UFD1: variants seen among roughly 807,000 people sequenced by gnomAD.
The protein encoded by UFD1 is ubiquitin recognition factor in ER associated degradation 1.
A neutral mutation model predicts 45.9 loss-of-function variants in UFD1; 13 were observed. The ratio of observed to expected loss-of-function variants is 0.28; its 90% CI spans 0.18 to 0.45. The LOEUF (loss-of-function observed/expected upper bound fraction) is 0.45. Among genes scored for constraint, UFD1 ranks in the 20% least tolerant of loss-of-function variants. The probability of loss-of-function intolerance (pLI) is 1.00; values close to 1 mark genes in which losing one functional copy is unlikely to be tolerated. For synonymous variants in UFD1, 128 were observed against 139.2 expected, an observed-to-expected ratio of 0.92 and a Z score of 0.56; for missense variants, 218 against 389.2, an observed-to-expected ratio of 0.56 and a Z score of 3.70.
chr22:19,465,310 T>C (rs1750208567), intron 5 of UFD1, 36 bp from the exon 6 acceptor site: 2 of 1,576,192 alleles, frequency 1.3e-6, no homozygotes, highest in Non-Finnish European at 1.7e-6. Flanking sequence ...CATGGCAAGA[T>C]GGATACCTTA....
At chr22:19,466,836 A>C (rs1050720054) in intron 5 of UFD1, 1 of 152,274 alleles carries the variant, frequency 6.6e-6, no homozygotes, top group Admixed American at 6.5e-5. Context: ...TCTCAAAAAA[A>C]AGTCTGCATT....
chr22:19,466,388 T>C (rs1319176880), intron 5 of UFD1: 1 of 152,280 alleles, frequency 6.6e-6, no homozygotes, highest in African/African-American at 2.4e-5. Flanking sequence ...AGCTTCCCAC[T>C]TTCTCTGCTC....
At chr22:19,469,980 CA>C (rs147703964) in intron 4 of UFD1, 24,138 of 518,744 alleles carry the variant, frequency 0.047, 1,162 homozygotes, top group South Asian at 0.13. Context: ...CCAGCATCAC[CA>C]CCTCCTCTTA....
At chr22:19,458,217 C>G in intron 6 of UFD1, 78 bp from the exon 7 acceptor site, 1 of 1,487,656 alleles carries the variant, frequency 6.7e-7, no homozygotes, top group Non-Finnish European at 9.4e-7. Flanking sequence ...TACTGTGGCT[C>G]TACTGGCTCC....
intron 6 of UFD1, among the ~76,000 whole-genome samples, chr22:19,464,329 G>A (rs1191177938): frequency 2.0e-5 from 3 of 152,210 alleles, no homozygotes; most frequent in African/African-American, 4.8e-5. Context: ...GGTCACTCCC[G>A]AACACTAAGG....
At chr22:19,473,279 G>C (rs1460158740) in intron 3 of UFD1, among the ~76,000 whole-genome samples, 1 of 152,190 alleles carries the variant, frequency 6.6e-6, no homozygotes, top group Admixed American at 6.5e-5. Flanking sequence ...GTGACTTAGA[G>C]GCTCCCAGTG....
At chr22:19,473,791 G>A (rs752878343) in intron 3 of UFD1, among the ~76,000 whole-genome samples, 24 of 152,216 alleles carry the variant, frequency 1.6e-4, no homozygotes, top group Non-Finnish European at 3.2e-4. Flanking sequence ...GGTTCAGAGA[G>A]GTCAAGTTGC....
chr22:19,470,766 C>T (rs1193293382), intron 4 of UFD1: 1 of 461,816 alleles, frequency 2.2e-6, no homozygotes, highest in East Asian at 6.6e-5. Flanking sequence ...TATTTAATCT[C>T]AGAAAATATT....
At chr22:19,457,364 T>A (rs181058557) in intron 7 of UFD1, among the ~76,000 whole-genome samples, 686 of 152,330 alleles carry the variant, frequency 4.5e-3, no homozygotes, top group Non-Finnish European at 6.4e-3. Context: ...ATTTCGAAAG[T>A]TCTGTCACTT....
intron 1 of UFD1, among the ~76,000 whole-genome samples, chr22:19,476,025 C>T (rs952921097): frequency 2.0e-5 from 3 of 152,186 alleles, no homozygotes; most frequent in Admixed American, 6.5e-5. Flanking sequence ...TGTCTGTCCA[C>T]TAACAAAATA....
intron 4 of UFD1, 137 bp from the exon 5 acceptor site, chr22:19,468,140 T>C (rs947128432): frequency 8.2e-7 from 1 of 1,223,618 alleles, no homozygotes; most frequent in Non-Finnish European, 1.1e-6. Context: ...TAATTCGTGA[T>C]ACTATGTCAG....
chr22:19,458,050 T>C, intron 7 of UFD1, 21 bp downstream of exon 7: 1 of 1,613,990 alleles, frequency 6.2e-7, no homozygotes, highest in Non-Finnish European at 8.5e-7. Context: ...AGGCTCACTG[T>C]AACTGGACAG....
chr22:19,454,746 C>A lies in UFD1; in HGVS notation c.849+3G>T. On this transcript the variant is annotated splice_donor_region_variant and intron_variant, in intron 11 of 11. Transcript: ENST00000263202. ...CCAAGGAAATACAAGGAAATACACT[C>A]ACCTCTTCAACCTTTTTGACAAGGG... The A allele has an allele frequency of 6.2e-7, 1 of 1,614,074 alleles. No individual in the cohort carries two copies. Among genetic ancestry groups the A allele is most frequent in the South Asian group, 1.1e-5 (1 of 91,068 alleles).
intron 3 of UFD1, among the ~76,000 whole-genome samples, chr22:19,474,685 A>G (rs1346194787): frequency 6.6e-6 from 1 of 152,210 alleles, no homozygotes; most frequent in African/African-American, 2.4e-5. Flanking sequence ...AAAAAAATCT[A>G]GTGAGCCCAG....
Position 19,478,663 on chromosome 22 carries a change from C to T in UFD1, c.3+420G>A, listed in dbSNP as rs2089913563. 1.3e-5 allele frequency: 3 copies of T among 237,632 alleles called. No homozygotes were observed. The East Asian group carries it at 3.7e-4, about 30-fold the overall frequency. The allele number at this position is 237,632 out of a possible 1,614,324, so 14.7% of individuals were successfully genotyped here. On this transcript the variant is annotated intron_variant, in intron 1 of 11. Transcript: ENST00000263202. ...AGGCACGGAGCTCACGGAGCTGGGG[C>T]AAGAGCTGGGTGTCCCCCAAGAGCG...
At chr22:19,475,275 G>A (rs2089873316) in intron 2 of UFD1, among the ~76,000 whole-genome samples, 175 bp from the exon 3 acceptor site, 1 of 152,146 alleles carries the variant, frequency 6.6e-6, no homozygotes, top group Non-Finnish European at 1.5e-5. Flanking sequence ...TTTGGGAACT[G>A]AATGGTTATC....
chr22:19,456,599 C>T lies in UFD1; in HGVS notation c.666G>A (p.Glu222=). ...GTCTGGTACTCACGCGGAAGCCCAG[C>T]TCTCCAGCATAGCCACTGTGGTCGG... ...GEADHSGYAG[E]LGFRAFSGSG... is the part of the protein sequence containing the mutation. Residue 222 remains glutamate (E), a synonymous_variant, in exon 9 of 12, where the codon GAG becomes GAA. Transcript: ENST00000263202. The T allele has an allele frequency of 1.2e-6, 2 of 1,614,190 alleles. No individual in the cohort carries two copies. Among genetic ancestry groups the T allele is most frequent in the East Asian group, 2.2e-5 (1 of 44,884 alleles).
intron 6 of UFD1, among the ~76,000 whole-genome samples, chr22:19,463,145 C>T (rs1018500028): frequency 2.6e-5 from 4 of 152,226 alleles, no homozygotes; most frequent in African/African-American, 9.6e-5. Context: ...AAATCAATTT[C>T]AGTTACCATC....
rs1307593621 is a variant in UFD1, at chr22:19,478,958, A to AG, written c.3+124dup. The stretch of plus-strand genomic sequence containing the variant: ...TGCCCGGTGCGGCCGATGAGCCTGC[A>AG]GGCCGGACTCAGGCCCGGGTGACTC... On this transcript the variant is annotated intron_variant, in intron 1 of 11. Transcript: ENST00000263202. 8 of 1,328,242 alleles carry AG rather than the reference A, an allele frequency of 6.0e-6. No individual in the cohort carries two copies. In the African/African-American group the frequency reaches 9.3e-5, roughly 15 times the overall value. The allele number at this position is 1,328,242 out of a possible 1,614,324, so 82.3% of individuals were successfully genotyped here. A position where few individuals can be genotyped will look rare whatever the true frequency, so the allele number is the denominator to read the frequency against.
Sources: gnomAD v4.1 joint callset for allele counts (sites outside exome capture counted in the v4.1 genomes callset) on GRCh38, gnomAD v4.1.1 for gene constraint, MANE v1.5 for transcripts, NCBI Gene and HGNC (gene_info 2026-07-23, HGNC 2026-07-21) for gene names.